Variants in ACTRT2 observed in about 807,000 individuals in gnomAD.
The protein encoded by ACTRT2 is actin-related protein T2.
A neutral mutation model predicts 1.2 loss-of-function variants in ACTRT2; 1 was observed. That is an observed-to-expected ratio of 0.80 (90% CI 0.29 to 3.81). The LOEUF is 3.81. Among genes scored for constraint, ACTRT2 ranks in the 30% most tolerant of loss-of-function variants. The probability of loss-of-function intolerance (pLI) is 0.18; values close to 1 mark genes in which losing one functional copy is unlikely to be tolerated. For missense variants in ACTRT2, 488 were observed against 497.9 expected, an observed-to-expected ratio of 0.98 and a Z score of 0.19; for synonymous variants, 262 against 228.9, an observed-to-expected ratio of 1.14 and a Z score of -1.30.
In ACTRT2 at chr1:3,021,552, C is replaced by T. The variant is rs560679435; in HGVS notation, c.-135C>T. Reference sequence around the variant, plus strand: ...CCTGCGGCTGAGGATGCAGGGCTCCCGGGCACGGTGCTAGCCCTGCCTTGA... The same window carrying T: ...CCTGCGGCTGAGGATGCAGGGCTCCTGGGCACGGTGCTAGCCCTGCCTTGA... On this transcript the variant is annotated 5_prime_UTR_variant, in exon 1 of 1. Transcript: ENST00000378404. 25 of 1,286,416 alleles carry T rather than the reference C, an allele frequency of 1.9e-5. No individual in the cohort carries two copies. The highest frequency in any genetic ancestry group is 6.0e-5 in the African/African-American group (4 of 67,224). The allele number at this position is 1,286,416 out of a possible 1,614,324, so 79.7% of individuals were successfully genotyped here. A position where few individuals can be genotyped will look rare whatever the true frequency, so the allele number is the denominator to read the frequency against.
rs1641086178 is a variant in ACTRT2, at chr1:3,022,260, C to T, written c.574C>T (p.Leu192Phe). The change falls in exon 1 of 1, where the codon CTC becomes TTC. Residue 192 changes from leucine to phenylalanine, a missense_variant. Transcript: ENST00000378404. This position sits in a 1 kb window ranked among gnomAD's most constrained non-coding sequence, Gnocchi z 7.7. ...LHVAGRDITE[L>F]LMQLLLASGH... is the part of the protein sequence containing the mutation. ...CGTGGCGGGCAGGGACATCACGGAGCTCCTCATGCAGCTGCTCCTGGCCAG... is the reference window on the plus strand; with the variant it reads ...CGTGGCGGGCAGGGACATCACGGAGTTCCTCATGCAGCTGCTCCTGGCCAG... The T allele has an allele frequency of 5.6e-6, 9 of 1,612,858 alleles. No individual in the cohort carries two copies. The highest frequency in any genetic ancestry group is 1.7e-5 in the Admixed American group (1 of 60,020).
rs137995220 is a variant in ACTRT2, at chr1:3,022,070, C to T, written c.384C>T (p.Phe128=). Reference sequence around the variant, plus strand: ...GTGAGAAGATGGCAGAAGTCATGTTCGAGAACTTCGGCGTGCCCGCTTTCT... The same window carrying T: ...GTGAGAAGATGGCAGAAGTCATGTTTGAGAACTTCGGCGTGCCCGCTTTCT... ...ENREKMAEVM[F]ENFGVPAFYL... Residue 128 remains phenylalanine, a synonymous_variant, in exon 1 of 1, where the codon TTC becomes TTT. Transcript: ENST00000378404. The surrounding 1 kb of genome is among the most constrained non-coding windows in gnomAD (Gnocchi z 7.7). 2.9e-5 allele frequency: 46 copies of T among 1,613,356 alleles called. No homozygotes were observed. Among genetic ancestry groups the T allele is most frequent in the South Asian group, 7.7e-5 (7 of 91,082 alleles).
At position 3,021,607 on chromosome 1, in the gene ACTRT2, G is replaced by GGGAAGAGTTGTT. The variant is rs1275676559; in HGVS notation, c.-77_-76insAGAGTTGTTGGA. ...CCCCGAGAGCTGTGGGAAGAGCTGT[G>GGGAAGAGTTGTT]GGATCCCCTATTGCATCACAAAGCG... On this transcript the variant is annotated 5_prime_UTR_variant, in exon 1 of 1. Coordinates refer to ENST00000378404, the MANE Select transcript of ACTRT2 (RefSeq NM_080431.5). The GGGAAGAGTTGTT allele has an allele frequency of 6.5e-4, 994 of 1,523,796 alleles. 21 individuals carry two copies. In the South Asian group the frequency reaches 9.0e-3, roughly 14 times the overall value. 94.4% of individuals were successfully genotyped at this position (1,523,796 alleles called of 1,614,324 possible).
chr1:3,022,618 T>A lies in ACTRT2; in HGVS notation c.932T>A (p.Leu311Gln), dbSNP rs1379202040. ...GGGGGCACTACCCTGTTCCACGGGCTGGATGACCGGCTTCTCAAGGAGCTG... is the reference window on the plus strand; with the variant it reads ...GGGGGCACTACCCTGTTCCACGGGCAGGATGACCGGCTTCTCAAGGAGCTG... Reference protein sequence around the residue: ...LSGGTTLFHGLDDRLLKELEQ... With the variant: ...LSGGTTLFHGQDDRLLKELEQ... Residue 311 changes from leucine (L) to glutamine (Q), a missense_variant, in exon 1 of 1, where the codon CTG (leucine) becomes CAG (glutamine). Coordinates refer to ENST00000378404, the MANE Select transcript of ACTRT2 (RefSeq NM_080431.5). The surrounding 1 kb of genome is among the most constrained non-coding windows in gnomAD (Gnocchi z 7.7). 1.2e-6 allele frequency: 2 copies of A among 1,613,074 alleles called. No homozygotes were observed. The highest frequency in any genetic ancestry group is 1.7e-6 in the Non-Finnish European group (2 of 1,180,026).
Position 3,021,697 on chromosome 1 carries a change from C to A in ACTRT2, c.11C>A (p.Pro4Gln). MFN[P>Q]HALDSPAVIF... is the part of the protein sequence containing the mutation. ...GGGAAGGCTGCGGGCATGTTTAATC[C>A]GCACGCTTTAGACTCCCCGGCTGTG... The change falls in exon 1 of 1, where the codon CCG (proline) becomes CAG (glutamine). Residue 4 changes from proline to glutamine, a missense_variant. Transcript: ENST00000378404. The A allele has an allele frequency of 6.2e-7, 1 of 1,612,040 alleles. No individual in the cohort carries two copies. The highest frequency in any genetic ancestry group is 8.5e-7 in the Non-Finnish European group (1 of 1,179,032).
At position 3,021,780 on chromosome 1, in the gene ACTRT2, C is replaced by G; in HGVS notation, c.94C>G (p.Arg32Gly). 6.2e-7 allele frequency: 1 copy of G among 1,613,714 alleles called. No individual in the cohort carries two copies. The highest frequency in any genetic ancestry group is 1.7e-5 in the Admixed American group (1 of 60,008). ...KAGLSGEFGP[R>G]HMVSSIVGHL... is the part of the protein sequence containing the mutation. ...GGGCCTGTCTGGGGAGTTTGGACCC[C>G]GGCACATGGTCAGCTCCATCGTGGG... Residue 32 changes from arginine (R) to glycine (G), a missense_variant, in exon 1 of 1, where the codon CGG becomes GGG. By Grantham distance (125) the Arg-to-Gly change is moderately radical (BLOSUM62 -2). Coordinates refer to ENST00000378404, the MANE Select transcript of ACTRT2 (RefSeq NM_080431.5).
Position 3,022,698 on chromosome 1 carries a change from T to C in ACTRT2, c.1012T>C (p.Trp338Arg), listed in dbSNP as rs1570152067. The change falls in exon 1 of 1, where the codon TGG becomes CGG. Residue 338 changes from tryptophan (W) to arginine (R), a missense_variant. Transcript: ENST00000378404. The surrounding 1 kb of genome is among the most constrained non-coding windows in gnomAD (Gnocchi z 7.7). ...CAAGATCACGGCTCCCCCCGACCGGTGGTTCTCCACCTGGATTGGAGCCTC... is the reference window on the plus strand; with the variant it reads ...CAAGATCACGGCTCCCCCCGACCGGCGGTTCTCCACCTGGATTGGAGCCTC... The part of the protein sequence containing the change: ...PIKITAPPDR[W>R]FSTWIGASIV... The C allele has an allele frequency of 4.3e-6, 7 of 1,613,334 alleles. No homozygotes were observed. The highest frequency in any genetic ancestry group is 5.9e-6 in the Non-Finnish European group (7 of 1,180,026).
chr1:3,022,627 G>T lies in ACTRT2; in HGVS notation c.941G>T (p.Arg314Leu), dbSNP rs374908751. ...ACCCTGTTCCACGGGCTGGATGACC[G>T]GCTTCTCAAGGAGCTGGAGCAGCTG... ...GTTLFHGLDD[R>L]LLKELEQLAS... is the part of the protein sequence containing the mutation. Residue 314 changes from arginine to leucine, a missense_variant, in exon 1 of 1, where the codon CGG becomes CTG. Arg to Leu is a moderately radical substitution (Grantham distance 102). Coordinates refer to ENST00000378404, the MANE Select transcript of ACTRT2 (RefSeq NM_080431.5). The surrounding 1 kb of genome is among the most constrained non-coding windows in gnomAD (Gnocchi z 7.7). 2 of 1,613,130 alleles carry T rather than the reference G, an allele frequency of 1.2e-6. No homozygotes were observed. The highest frequency in any genetic ancestry group is 1.1e-5 in the South Asian group (1 of 91,076).
At position 3,022,591 on chromosome 1, in the gene ACTRT2, C is replaced by T. The variant is rs199702037; in HGVS notation, c.905C>T (p.Ser302Leu). 57 of 1,613,036 alleles carry T rather than the reference C, an allele frequency of 3.5e-5. No individual in the cohort carries two copies. The African/African-American group carries it at 6.0e-4, about 17-fold the overall frequency. ...ATCCTCTTTGGGGAGATTGTGCTGT[C>T]GGGGGGCACTACCCTGTTCCACGGG... The part of the protein sequence containing the change: ...QKILFGEIVL[S>L]GGTTLFHGLD... Residue 302 changes from serine (S) to leucine (L), a missense_variant, in exon 1 of 1, where the codon TCG (serine) becomes TTG (leucine). Coordinates refer to ENST00000378404, the MANE Select transcript of ACTRT2 (RefSeq NM_080431.5). The surrounding 1 kb of genome is among the most constrained non-coding windows in gnomAD (Gnocchi z 7.7).
chr1:3,022,225 C>A lies in ACTRT2; in HGVS notation c.539C>A (p.Thr180Asn). The A allele has an allele frequency of 6.2e-7, 1 of 1,613,032 alleles. No individual in the cohort carries two copies. The highest frequency in any genetic ancestry group is 8.5e-7 in the Non-Finnish European group (1 of 1,180,028). Residue 180 changes from threonine (T) to asparagine (N), a missense_variant, in exon 1 of 1, where the codon ACC becomes AAC. Transcript: ENST00000378404. This position sits in a 1 kb window ranked among gnomAD's most constrained non-coding sequence, Gnocchi z 7.7. ...FEGYSLPHAV[T>N]KLHVAGRDIT... The stretch of plus-strand genomic sequence containing the variant: ...GGTTACTCCCTGCCCCACGCAGTCA[C>A]CAAGCTCCACGTGGCGGGCAGGGAC...
At position 3,022,294 on chromosome 1, in the gene ACTRT2, C is replaced by T. The variant is rs1641086706; in HGVS notation, c.608C>T (p.Thr203Ile). ...CAGCTGCTCCTGGCCAGCGGCCACA[C>T]CTTCCCCTGCCAGCTGGACAAGGGT... ...LMQLLLASGH[T>I]FPCQLDKGLV... Residue 203 changes from threonine to isoleucine, a missense_variant, in exon 1 of 1, where the codon ACC (threonine) becomes ATC (isoleucine). Coordinates refer to ENST00000378404, the MANE Select transcript of ACTRT2 (RefSeq NM_080431.5). This position sits in a 1 kb window ranked among gnomAD's most constrained non-coding sequence, Gnocchi z 7.7. The T allele has an allele frequency of 6.2e-7, 1 of 1,612,770 alleles. No homozygotes were observed. The highest frequency in any genetic ancestry group is 8.5e-7 in the Non-Finnish European group (1 of 1,179,876).
Position 3,022,044 on chromosome 1 carries a change from C to G in ACTRT2, c.358C>G (p.Arg120Gly), listed in dbSNP as rs761604182. 1 of 1,613,536 alleles carries G rather than the reference C, an allele frequency of 6.2e-7. No homozygotes were observed. Among genetic ancestry groups the G allele is most frequent in the South Asian group, 1.1e-5 (1 of 91,074 alleles). Residue 120 changes from arginine (R) to glycine (G), a missense_variant, in exon 1 of 1, where the codon CGT (arginine) becomes GGT (glycine). By Grantham distance (125) the Arg-to-Gly change is moderately radical. Coordinates refer to ENST00000378404, the MANE Select transcript of ACTRT2 (RefSeq NM_080431.5). This position sits in a 1 kb window ranked among gnomAD's most constrained non-coding sequence, Gnocchi z 7.7. ...GCCCTCCCTGAACCCCAGGGAGAACCGTGAGAAGATGGCAGAAGTCATGTT... is the reference window on the plus strand; with the variant it reads ...GCCCTCCCTGAACCCCAGGGAGAACGGTGAGAAGATGGCAGAAGTCATGTT... ...TEPSLNPREN[R>G]EKMAEVMFEN...
chr1:3,021,622 A>G lies in ACTRT2; in HGVS notation c.-65A>G. ...GAAGAGCTGTGGGATCCCCTATTGC[A>G]TCACAAAGCGGCCCTGGAGGGCTGG... On this transcript the variant is annotated 5_prime_UTR_variant, in exon 1 of 1. Coordinates refer to ENST00000378404, the MANE Select transcript of ACTRT2 (RefSeq NM_080431.5). 1.3e-6 allele frequency: 2 copies of G among 1,548,434 alleles called. No homozygotes were observed. The highest frequency in any genetic ancestry group is 1.3e-5 in the South Asian group (1 of 78,966).
chr1:3,021,504 A>T lies in ACTRT2; in HGVS notation c.-183A>T. 1 of 803,344 alleles carries T rather than the reference A, an allele frequency of 1.2e-6. No homozygotes were observed. The highest frequency in any genetic ancestry group is 1.9e-6 in the Non-Finnish European group (1 of 524,102). The allele number at this position is 803,344 out of a possible 1,614,324, so 49.8% of individuals were successfully genotyped here. On this transcript the variant is annotated 5_prime_UTR_variant, in exon 1 of 1. Transcript: ENST00000378404. ...CCCTGGAAGAGGCCTCAGCAGGCCC[A>T]GGCCACCTGGAGGGAGAGCAGACCT...
In ACTRT2 at chr1:3,021,796, C is replaced by T; in HGVS notation, c.110C>T (p.Ser37Phe). The T allele has an allele frequency of 6.2e-7, 1 of 1,613,678 alleles. No individual in the cohort carries two copies. The highest frequency in any genetic ancestry group is 8.5e-7 in the Non-Finnish European group (1 of 1,180,026). Residue 37 changes from serine to phenylalanine, a missense_variant, in exon 1 of 1, where the codon TCC becomes TTC. Physicochemically the swap from Ser to Phe is radical, Grantham distance 155 (BLOSUM62 -2). Transcript: ENST00000378404. ...GEFGPRHMVSSIVGHLKFQAP... is the reference protein window; with the variant it reads ...GEFGPRHMVSFIVGHLKFQAP... ...TTTGGACCCCGGCACATGGTCAGCTCCATCGTGGGGCACCTGAAATTCCAG... is the reference window on the plus strand; with the variant it reads ...TTTGGACCCCGGCACATGGTCAGCTTCATCGTGGGGCACCTGAAATTCCAG...
rs1023624438 is a variant in ACTRT2, at chr1:3,022,179, T to A, written c.493T>A (p.Cys165Ser). 6.8e-6 allele frequency: 11 copies of A among 1,613,014 alleles called. No individual in the cohort carries two copies. In the African/African-American group the frequency reaches 1.5e-4, roughly 22 times the overall value. Residue 165 changes from cysteine (C) to serine (S), a missense_variant, in exon 1 of 1, where the codon TGC becomes AGC. Transcript: ENST00000378404. The surrounding 1 kb of genome is among the most constrained non-coding windows in gnomAD (Gnocchi z 7.7). The part of the protein sequence containing the change: ...LVVDSGDAVT[C>S]TVPIFEGYSL... Reference sequence around the variant, plus strand: ...GGTGGACAGCGGGGATGCGGTCACCTGCACTGTCCCCATCTTTGAGGGTTA... The same window carrying A: ...GGTGGACAGCGGGGATGCGGTCACCAGCACTGTCCCCATCTTTGAGGGTTA...
In ACTRT2 at chr1:3,021,585, C is replaced by A. The variant is rs896936938; in HGVS notation, c.-102C>A. 4.7e-6 allele frequency: 7 copies of A among 1,477,828 alleles called. No homozygotes were observed. The highest frequency in any genetic ancestry group is 6.4e-6 in the Non-Finnish European group (7 of 1,100,376). The allele number at this position is 1,477,828 out of a possible 1,614,324, so 91.5% of individuals were successfully genotyped here. On this transcript the variant is annotated 5_prime_UTR_variant, in exon 1 of 1. Coordinates refer to ENST00000378404, the MANE Select transcript of ACTRT2 (RefSeq NM_080431.5). ...GTGCTAGCCCTGCCTTGAGACACCC[C>A]GAGAGCTGTGGGAAGAGCTGTGGGA... is the stretch of plus-strand genomic sequence containing the variant.
In ACTRT2 at chr1:3,021,612, C is replaced by A; in HGVS notation, c.-75C>A. On this transcript the variant is annotated 5_prime_UTR_variant, in exon 1 of 1. Transcript: ENST00000378404. ...AGAGCTGTGGGAAGAGCTGTGGGAT[C>A]CCCTATTGCATCACAAAGCGGCCCT... is the stretch of plus-strand genomic sequence containing the variant. The A allele has an allele frequency of 6.5e-6, 10 of 1,527,430 alleles. No homozygotes were observed. Among genetic ancestry groups the A allele is most frequent in the East Asian group, 2.3e-5 (1 of 44,288 alleles). 94.6% of individuals were successfully genotyped at this position (1,527,430 alleles called of 1,614,324 possible).
chr1:3,022,244 C>A lies in ACTRT2; in HGVS notation c.558C>A (p.Gly186=), dbSNP rs1332366853. 6.2e-7 allele frequency: 1 copy of A among 1,612,846 alleles called. No homozygotes were observed. The highest frequency in any genetic ancestry group is 1.3e-5 in the African/African-American group (1 of 74,944). ...PHAVTKLHVA[G]RDITELLMQL... is the part of the protein sequence containing the mutation. ...CAGTCACCAAGCTCCACGTGGCGGGCAGGGACATCACGGAGCTCCTCATGC... is the reference window on the plus strand; with the variant it reads ...CAGTCACCAAGCTCCACGTGGCGGGAAGGGACATCACGGAGCTCCTCATGC... Residue 186 remains glycine (G), a synonymous_variant, in exon 1 of 1, where the codon GGC becomes GGA. Coordinates refer to ENST00000378404, the MANE Select transcript of ACTRT2 (RefSeq NM_080431.5). The surrounding 1 kb of genome is among the most constrained non-coding windows in gnomAD (Gnocchi z 7.7).
Sources: gnomAD v4.1 joint callset for allele counts on GRCh38, gnomAD v4.1.1 for gene constraint, Gnocchi (gnomAD v3.1) non-coding constraint, MANE v1.5 for transcripts, NCBI Gene and HGNC (gene_info 2026-07-23, HGNC 2026-07-21) for gene names.